CKLF: variants seen among roughly 807,000 people sequenced by gnomAD.
The protein encoded by CKLF is chemokine like factor.
A neutral mutation model predicts 12.9 loss-of-function variants in CKLF; 16 were observed. That is an observed-to-expected ratio of 1.24 (90% CI 0.84 to 1.88). The LOEUF is 1.88. Ranked by LOEUF, CKLF falls within the 40% of genes most tolerant of loss-of-function variation. The probability of loss-of-function intolerance (pLI) is 0.00; values close to 1 mark genes in which losing one functional copy is unlikely to be tolerated. For synonymous variants in CKLF, 61 were observed against 69.0 expected (o/e 0.88, Z 0.57); for missense variants, 172 against 188.5 (o/e 0.91, Z 0.51).
intron 2 of CKLF, among the ~76,000 whole-genome samples, chr16:66,562,846 G>A (rs1383639677): frequency 2.6e-5 from 4 of 151,974 alleles, no homozygotes; most frequent in African/African-American, 7.3e-5. Flanking sequence ...TCAGCCTCCC[G>A]AGTAGCTGGG....
intron 3 of CKLF, among the ~76,000 whole-genome samples, chr16:66,564,935 G>A (rs892851745): frequency 3.3e-5 from 5 of 152,162 alleles, no homozygotes; most frequent in Non-Finnish European, 7.3e-5. Flanking sequence ...AGTGGAAACC[G>A]CTGTATATAA....
Position 66,565,990 on chromosome 16 carries a change from T to A in CKLF, c.438T>A (p.His146Gln). The A allele has an allele frequency of 1.2e-6, 2 of 1,611,918 alleles. No homozygotes were observed. The highest frequency in any genetic ancestry group is 1.7e-6 in the Non-Finnish European group (2 of 1,178,306). The change falls in exon 4 of 4, where the codon CAT (histidine) becomes CAA (glutamine). Residue 146 changes from histidine (H) to glutamine (Q), a missense_variant. Physicochemically the swap from His to Gln is conservative, Grantham distance 24. Coordinates refer to ENST00000264001, the MANE Select transcript of CKLF (RefSeq NM_016951.4). ...PSGPYQKKPV[H>Q]EKKEVL ...GTCCTTACCAGAAAAAGCCTGTGCA[T>A]GAAAAAAAAGAAGTTTTGTAATTTT...
At position 66,558,143 on chromosome 16, in the gene CKLF, T is replaced by C. The variant is rs766804794; in HGVS notation, c.79-47T>C. 12 of 1,592,152 alleles carry C rather than the reference T, an allele frequency of 7.5e-6. No individual in the cohort carries two copies. The East Asian group carries it at 2.7e-4, about 36-fold the overall frequency. On this transcript the variant is annotated intron_variant, in intron 1 of 3. Coordinates refer to ENST00000264001, the MANE Select transcript of CKLF (RefSeq NM_016951.4). ...GAAATTGTCATTTTTACAGTTTAAATTTGTATTCAGTTGTCACTGAATAAA... is the reference window on the plus strand; with the variant it reads ...GAAATTGTCATTTTTACAGTTTAAACTTGTATTCAGTTGTCACTGAATAAA...
At chr16:66,559,205 C>A (rs975499251) in intron 2 of CKLF, among the ~76,000 whole-genome samples, 2 of 152,202 alleles carry the variant, frequency 1.3e-5, no homozygotes, top group African/African-American at 4.8e-5. Context: ...AATATCCAAG[C>A]TGATAATTCC....
intron 1 of CKLF, among the ~76,000 whole-genome samples, chr16:66,557,897 A>G (rs1191378652): frequency 1.3e-5 from 2 of 152,194 alleles, no homozygotes; most frequent in African/African-American, 4.8e-5. Flanking sequence ...TCTAAAAGAC[A>G]AAGAGAAGTC....
chr16:66,560,186 G>T (rs924588992), intron 2 of CKLF, among the ~76,000 whole-genome samples: 2 of 152,176 alleles, frequency 1.3e-5, no homozygotes, highest in African/African-American at 2.4e-5. Context: ...AGCAGCATAT[G>T]TGAGGGTCTA....
Position 66,565,659 on chromosome 16 carries a change from C to T in CKLF, c.334-227C>T, listed in dbSNP as rs1236053697. ...CACACTGCTTTATTATTTTTCTGCTCACTTAAATTATCTTTTCTCTTTCTA... is the reference window on the plus strand; with the variant it reads ...CACACTGCTTTATTATTTTTCTGCTTACTTAAATTATCTTTTCTCTTTCTA... On this transcript the variant is annotated intron_variant, in intron 3 of 3. Transcript: ENST00000264001. 5.5e-6 allele frequency: 3 copies of T among 540,968 alleles called. No individual in the cohort carries two copies. In the African/African-American group the frequency reaches 5.7e-5, roughly 10 times the overall value. 33.5% of individuals were successfully genotyped at this position (540,968 alleles called of 1,614,324 possible).
At chr16:66,563,329 AGG>A in intron 3 of CKLF, 112 bp downstream of exon 3, 1 of 1,282,522 alleles carries the variant, frequency 7.8e-7, no homozygotes. Context: ...TGAGATTCCT[AGG>A]CCAATATACA....
In CKLF at chr16:66,563,183, T is replaced by TA; in HGVS notation, c.300dup (p.Pro101ThrfsTer47). 9 of 1,614,184 alleles carry TA rather than the reference T, an allele frequency of 5.6e-6. No homozygotes were observed. The highest frequency in any genetic ancestry group is 7.6e-6 in the Non-Finnish European group (9 of 1,180,032). On this transcript the variant is annotated frameshift_variant, in exon 3 of 4. Transcript: ENST00000264001. LOFTEE classifies it low-confidence loss of function (END_TRUNC). ...CTCATCGTATCTGTGTTGGCACTGATACCAGAAACCACAACATTGACAGTT... is the reference window on the plus strand; with the variant it reads ...CTCATCGTATCTGTGTTGGCACTGATAACCAGAAACCACAACATTGACAGTT...
chr16:66,565,726 T>A lies in CKLF; in HGVS notation c.334-160T>A, dbSNP rs2012211058. 3 of 677,064 alleles carry A rather than the reference T, an allele frequency of 4.4e-6. No individual in the cohort carries two copies. The East Asian group carries it at 7.5e-5, about 17-fold the overall frequency. 41.9% of individuals were successfully genotyped at this position (677,064 alleles called of 1,614,324 possible). On this transcript the variant is annotated intron_variant, in intron 3 of 3. Coordinates refer to ENST00000264001, the MANE Select transcript of CKLF (RefSeq NM_016951.4). ...AAACTTAGCAATGAGGAGAATAAGA[T>A]GATCTCTGAAGTCTCTCCATGTTAG... is the stretch of plus-strand genomic sequence containing the variant.
intron 2 of CKLF, among the ~76,000 whole-genome samples, chr16:66,560,694 G>T (rs1180522172): frequency 2.0e-5 from 3 of 151,786 alleles, no homozygotes; most frequent in Non-Finnish European, 4.4e-5. Flanking sequence ...GATGAGGAGT[G>T]GCCAGAAAAG....
chr16:66,556,632 A>T (rs2011462754), intron 1 of CKLF, among the ~76,000 whole-genome samples: 1 of 152,202 alleles, frequency 6.6e-6, no homozygotes, highest in African/African-American at 2.4e-5. Flanking sequence ...TGGGCTGAAG[A>T]CCTTGGTCCA....
intron 2 of CKLF, among the ~76,000 whole-genome samples, chr16:66,561,583 G>T (rs561584670): frequency 6.6e-6 from 1 of 152,244 alleles, no homozygotes; most frequent in African/African-American, 2.4e-5. Context: ...CAGGCTGCCT[G>T]TCTGAAGTAG....
chr16:66,561,978 T>C (rs939450041), intron 2 of CKLF, among the ~76,000 whole-genome samples: 3 of 152,228 alleles, frequency 2.0e-5, no homozygotes, highest in African/African-American at 7.2e-5. Context: ...ATGAGCTATA[T>C]CATCAGCAAT....
chr16:66,562,096 T>TG (rs2011768211), intron 2 of CKLF, among the ~76,000 whole-genome samples: 1 of 151,836 alleles, frequency 6.6e-6, no homozygotes, highest in African/African-American at 2.4e-5. Flanking sequence ...ATTGCCTTTT[T>TG]TTTTTTGAGA....
chr16:66,558,960 C>T (rs1387437248), intron 2 of CKLF, among the ~76,000 whole-genome samples: 1 of 152,198 alleles, frequency 6.6e-6, no homozygotes, highest in Admixed American at 6.5e-5. Flanking sequence ...TCAAATTGGG[C>T]AGATTGAAGT....
rs747939430 is a variant in CKLF at position 66,558,349 on chromosome 16, G to GT, written c.237+2dup. 2.0e-5 allele frequency: 32 copies of GT among 1,601,066 alleles called. No homozygotes were observed. Among genetic ancestry groups the GT allele is most frequent in the Non-Finnish European group, 2.5e-5 (30 of 1,177,118 alleles). On this transcript the variant is annotated splice_donor_variant, in intron 2 of 3. Transcript: ENST00000264001. LOFTEE classifies it high-confidence loss of function. ...GAAGTGGTTATTTTGGCCTTTGCTT[G>GT]TAAGTGTTCAGTTTCATCCTTAAAT...
chr16:66,552,844 G>C, intron 1 of CKLF, 51 bp downstream of exon 1: 1 of 1,613,022 alleles, frequency 6.2e-7, no homozygotes, highest in Non-Finnish European at 8.5e-7. Flanking sequence ...CTGGGGGGCG[G>C]GAGATGTGGG....
At chr16:66,553,061 G>A (rs907826119) in intron 1 of CKLF, among the ~76,000 whole-genome samples, 5 of 152,202 alleles carry the variant, frequency 3.3e-5, no homozygotes, top group Non-Finnish European at 5.9e-5. Flanking sequence ...TTGGGAGGCC[G>A]GGACGGGAGG....
Sources: gnomAD v4.1 joint callset for allele counts (sites outside exome capture counted in the v4.1 genomes callset) on GRCh38, gnomAD v4.1.1 for gene constraint, MANE v1.5 for transcripts, NCBI Gene and HGNC (gene_info 2026-07-23, HGNC 2026-07-21) for gene names.